The following PLCH2 variants were observed in gnomAD, a reference collection of about 807,000 sequenced individuals.
PLCH2 encodes the protein phospholipase C eta 2, also known as 1-phosphatidylinositol 4,5-bisphosphate phosphodiesterase eta-2.
PLCH2 carries 98 observed loss-of-function variants against 134.7 expected under a neutral mutation model. The observed-to-expected ratio is 0.73, with a 90% CI of 0.62 to 0.86. PLCH2 has a LOEUF of 0.86. PLCH2 is among the 40% of genes least tolerant of loss of function. PLCH2 has a pLI of 0.00. For synonymous variants in PLCH2, 974 were observed against 827.5 expected (o/e 1.18, Z -3.04); for missense variants, 1,994 against 1,986.6 (o/e 1.00, Z -0.07).
chr1:2,473,349 G>T (rs556478330), upstream of PLCH2, among the ~76,000 whole-genome samples: 1 of 152,300 alleles, frequency 6.6e-6, no homozygotes, highest in African/African-American at 2.4e-5. Flanking sequence ...TGAGCCCAGG[G>T]GATCACGGGC....
intron 9 of PLCH2, 36 bp downstream of exon 9, chr1:2,489,414 A>C (rs1348890607): frequency 1.2e-6 from 2 of 1,606,982 alleles, no homozygotes; most frequent in Admixed American, 3.3e-5. Flanking sequence ...ACCAGCTCAC[A>C]CAGAGTCTCG....
chr1:2,499,831 C>G (rs1206238651), intron 20 of PLCH2, 111 bp downstream of exon 20: 1 of 817,606 alleles, frequency 1.2e-6, no homozygotes. Context: ...GGCAGTGAGG[C>G]CTAGGGTCCC....
intron 2 of PLCH2, among the ~76,000 whole-genome samples, chr1:2,441,839 G>T (rs574753960): frequency 2.0e-5 from 3 of 152,270 alleles, no homozygotes; most frequent in South Asian, 2.1e-4. Flanking sequence ...TCCACAGCCC[G>T]CATTAAGGCA....
At chr1:2,433,541 C>T (rs1570227018) in intron 2 of PLCH2, among the ~76,000 whole-genome samples, 5 of 152,284 alleles carry the variant, frequency 3.3e-5, no homozygotes, top group East Asian at 1.9e-4. Context: ...GAGGCTGGCA[C>T]AGGTGGGAAC....
At chr1:2,454,218 T>G (rs1640376672) in intron 2 of PLCH2, among the ~76,000 whole-genome samples, 1 of 152,164 alleles carries the variant, frequency 6.6e-6, no homozygotes, top group Non-Finnish European at 1.5e-5. Context: ...CTTCCTGCCC[T>G]GCAGCACTGG....
chr1:2,487,046 G>A (rs757705321), intron 6 of PLCH2, 46 bp downstream of exon 6: 3 of 1,535,706 alleles, frequency 2.0e-6, no homozygotes, highest in Admixed American at 1.9e-5. Context: ...GGATGCTGGA[G>A]GGGCAACGAG....
chr1:2,454,985 C>T (rs1236992128), intron 2 of PLCH2, among the ~76,000 whole-genome samples: 10 of 152,258 alleles, frequency 6.6e-5, no homozygotes, highest in South Asian at 2.1e-4. Flanking sequence ...AGCCAGGCCT[C>T]GGCCCCCCAT....
chr1:2,494,967 G>A lies in PLCH2; in HGVS notation c.1752+19G>A, dbSNP rs1368833916. On this transcript the variant is annotated intron_variant, in intron 12 of 21. Coordinates refer to ENST00000378486, the MANE Select transcript of PLCH2 (RefSeq NM_014638.4). ...GCGCAAGGTCCGGCGCAGCTCCCAGGCCAGGGTCCCGGTCTGGGCCCAGTG... is the reference window on the plus strand; with the variant it reads ...GCGCAAGGTCCGGCGCAGCTCCCAGACCAGGGTCCCGGTCTGGGCCCAGTG... 3 of 1,546,220 alleles carry A rather than the reference G, an allele frequency of 1.9e-6. No homozygotes were observed. Among genetic ancestry groups the A allele is most frequent in the Non-Finnish European group, 1.8e-6 (2 of 1,141,798 alleles).
At chr1:2,475,364 TC>T (rs528978908), upstream of PLCH2, among the ~76,000 whole-genome samples, 5 of 152,306 alleles carry the variant, frequency 3.3e-5, no homozygotes, top group Admixed American at 3.3e-4. Context: ...GGCGGGGTTC[TC>T]CCCAGTGTGG....
At chr1:2,418,234 C>G in the PLCH2 span, among the ~76,000 whole-genome samples, 1 of 152,366 alleles carries the variant, frequency 6.6e-6, no homozygotes, top group Middle Eastern at 3.4e-3. Context: ...GGAAACTGCA[C>G]TGAACTGATT....
At chr1:2,497,438 G>T (rs1642957527) in intron 15 of PLCH2, 64 bp from the exon 16 acceptor site, 4 of 1,177,968 alleles carry the variant, frequency 3.4e-6, no homozygotes, top group Non-Finnish European at 4.9e-6. Context: ...GTGGTGGTGG[G>T]TGGGCGGGGC....
chr1:2,462,734 G>C (rs1054423347), upstream of PLCH2, among the ~76,000 whole-genome samples: 9 of 152,022 alleles, frequency 5.9e-5, no homozygotes, highest in Non-Finnish European at 1.2e-4. Context: ...GGCAGTAGGG[G>C]ATCTTTGTGC....
chr1:2,498,205 G>T lies in PLCH2; in HGVS notation c.2225-318G>T. The T allele has an allele frequency of 2.6e-6, 1 of 383,068 alleles. No homozygotes were observed. The highest frequency in any genetic ancestry group is 4.8e-6 in the Non-Finnish European group (1 of 209,472). 23.7% of individuals were successfully genotyped at this position (383,068 alleles called of 1,614,324 possible). On this transcript the variant is annotated intron_variant, in intron 16 of 21. Coordinates refer to ENST00000378486, the MANE Select transcript of PLCH2 (RefSeq NM_014638.4). The surrounding 1 kb of genome is among the most constrained non-coding windows in gnomAD (Gnocchi z 5.4). Reference sequence around the variant, plus strand: ...GAGTTCTCAGCCTGAGTGGGCCCTGGGGACACTGTCACCAGAGACCCCACC... The same window carrying T: ...GAGTTCTCAGCCTGAGTGGGCCCTGTGGACACTGTCACCAGAGACCCCACC...
intron 5 of PLCH2, among the ~76,000 whole-genome samples, chr1:2,485,237 C>T (rs1378795958): frequency 1.1e-5 from 1 of 95,180 alleles, no homozygotes; most frequent in Non-Finnish European, 2.2e-5. Flanking sequence ...GCCCCACTGA[C>T]CAAGGACCTC....
upstream of PLCH2, among the ~76,000 whole-genome samples, chr1:2,425,309 A>G (rs946913754): frequency 2.0e-5 from 3 of 151,836 alleles, no homozygotes; most frequent in African/African-American, 7.3e-5. Context: ...ACACATATAC[A>G]TACACACATA....
intron 2 of PLCH2, among the ~76,000 whole-genome samples, chr1:2,442,080 G>A (rs973331979): frequency 6.6e-5 from 10 of 152,158 alleles, no homozygotes; most frequent in African/African-American, 2.2e-4. Context: ...CCCTGCAGGC[G>A]GCAGGACGTA....
At chr1:2,443,348 G>A in intron 2 of PLCH2, among the ~76,000 whole-genome samples, 1 of 152,216 alleles carries the variant, frequency 6.6e-6, no homozygotes, top group East Asian at 1.9e-4. Flanking sequence ...TCAAACGCCA[G>A]GGTGTTGGGA....
At chr1:2,470,285 G>A (rs1641263758) in intron 1 of PLCH2, among the ~76,000 whole-genome samples, 1 of 152,192 alleles carries the variant, frequency 6.6e-6, no homozygotes. Context: ...GCTGGTGTGT[G>A]GGTGGGGGCC....
intron 2 of PLCH2, among the ~76,000 whole-genome samples, chr1:2,437,808 T>C (rs1370424284): frequency 2.0e-5 from 3 of 152,138 alleles, no homozygotes; most frequent in Non-Finnish European, 4.4e-5. Context: ...AACACATGTG[T>C]ACATACAACA....
Sources: allele counts gnomAD v4.1 joint callset (sites outside exome capture counted in the v4.1 genomes callset), GRCh38; gene constraint gnomAD v4.1.1; non-coding constraint Gnocchi (gnomAD v3.1); transcripts MANE v1.5; gene names NCBI Gene and HGNC (gene_info 2026-07-23, HGNC 2026-07-21).